Variants in KDM7A observed in about 807,000 individuals in gnomAD.
KDM7A encodes the protein lysine-specific demethylase 7A.
In KDM7A, 28 loss-of-function variants were observed where a neutral mutation model predicts 114.8. That is an observed-to-expected ratio of 0.24 (90% CI 0.18 to 0.33). KDM7A has a LOEUF of 0.33. Ranked by LOEUF, KDM7A falls within the 10% of genes least tolerant of loss-of-function variation. KDM7A has a pLI of 1.00. For missense variants in KDM7A, 942 were observed against 1,142.5 expected, an observed-to-expected ratio of 0.82 and a Z score of 2.53; for synonymous variants, 423 against 397.8, an observed-to-expected ratio of 1.06 and a Z score of -0.75.
At position 140,129,793 on chromosome 7, in the gene KDM7A, G is replaced by C. The variant is rs1037393947; in HGVS notation, c.399-140C>G. On this transcript the variant is annotated intron_variant, in intron 3 of 19. Coordinates refer to ENST00000397560, the MANE Select transcript of KDM7A (RefSeq NM_030647.2). ...ACCTATCACTTCTCATTCTTTTAAT[G>C]ACAAATGTTTTGTAAATCTCCTTTT... 2.5e-5 allele frequency: 15 copies of C among 591,716 alleles called. No individual in the cohort carries two copies. In the African/African-American group the frequency reaches 2.6e-4, roughly 10 times the overall value. The allele number at this position is 591,716 out of a possible 1,614,324, so 36.7% of individuals were successfully genotyped here. A position where few individuals can be genotyped will look rare whatever the true frequency, so the allele number is the denominator to read the frequency against.
chr7:140,090,028 T>C lies in KDM7A; in HGVS notation c.*1066A>G, dbSNP rs141131343. 66 of 152,308 alleles carry C rather than the reference T, an allele frequency of 4.3e-4. No individual in the cohort carries two copies. Among genetic ancestry groups the C allele is most frequent in the African/African-American group, 1.5e-3 (64 of 41,560 alleles). The allele number at this position is 152,308 out of a possible 1,614,324, so 9.4% of individuals were successfully genotyped here. On this transcript the variant is annotated 3_prime_UTR_variant, in exon 20 of 20. Transcript: ENST00000397560. ...TGGAGCATAAAAGTATCATAAGGTATAACCTCTGCAGCAGGTGCCAGTCCT... is the reference window on the plus strand; with the variant it reads ...TGGAGCATAAAAGTATCATAAGGTACAACCTCTGCAGCAGGTGCCAGTCCT...
At chr7:140,108,348 G>A (rs1818376131) in intron 11 of KDM7A, among the ~76,000 whole-genome samples, 1 of 152,166 alleles carries the variant, frequency 6.6e-6, no homozygotes, top group African/African-American at 2.4e-5. Context: ...CTCTGGAGGG[G>A]AAGAGGCACT....
intron 1 of KDM7A, among the ~76,000 whole-genome samples, chr7:140,172,817 G>A (rs999211367): frequency 2.0e-5 from 3 of 152,074 alleles, no homozygotes; most frequent in Admixed American, 6.5e-5. Context: ...AACATGGAAT[G>A]CATAGAAAGA....
chr7:140,111,559 CACTA>C, intron 10 of KDM7A, among the ~76,000 whole-genome samples: 1 of 152,300 alleles, frequency 6.6e-6, no homozygotes, highest in East Asian at 1.9e-4. Flanking sequence ...AGAACACAGA[CACTA>C]ACGTAATCCT....
chr7:140,102,116 C>T lies in KDM7A; in HGVS notation c.1473G>A (p.Val491=). ...CATTTGAGGATCGTGAAACTGGACACACAATAGGAATTCCCTGAGATTTAA... is the reference window on the plus strand; with the variant it reads ...CATTTGAGGATCGTGAAACTGGACATACAATAGGAATTCCCTGAGATTTAA... ...KPVKSQGIPI[V]CPVSRSSNEA... Residue 491 remains valine, a synonymous_variant, in exon 12 of 20, where the codon GTG becomes GTA. Coordinates refer to ENST00000397560, the MANE Select transcript of KDM7A (RefSeq NM_030647.2). The T allele has an allele frequency of 1.9e-6, 3 of 1,614,048 alleles. No homozygotes were observed. Among genetic ancestry groups the T allele is most frequent in the Non-Finnish European group, 2.5e-6 (3 of 1,179,942 alleles).
At chr7:140,096,167 G>A (rs966294263) in intron 17 of KDM7A, among the ~76,000 whole-genome samples, 2 of 152,048 alleles carry the variant, frequency 1.3e-5, no homozygotes, top group Non-Finnish European at 2.9e-5. Flanking sequence ...GCCTCAATCA[G>A]AAAGAAACAG....
rs753135502 is a variant in KDM7A, at chr7:140,098,948, T to C, written c.1849A>G (p.Lys617Glu). The C allele has an allele frequency of 2.5e-6, 4 of 1,613,762 alleles. No homozygotes were observed. In the South Asian group the frequency reaches 4.4e-5, roughly 18 times the overall value. ...CCTGAACTCTCTTCTATCTTCATTT[T>C]TGCCTTTTTTGTCCTTCTTTTATCC... ...EEDKRRTKKA[K>E]MKIEESSGVE... Residue 617 changes from lysine (K) to glutamate (E), a missense_variant, in exon 14 of 20, where the codon AAA becomes GAA. Around this residue, in one of 4 missense-constraint regions of KDM7A, gnomAD observed 512 missense variants for 576.6 expected, o/e 0.89. Transcript: ENST00000397560.
At chr7:140,113,003 C>T (rs1414339606) in intron 10 of KDM7A, among the ~76,000 whole-genome samples, 2 of 152,242 alleles carry the variant, frequency 1.3e-5, no homozygotes, top group African/African-American at 4.8e-5. Context: ...ATAGGCTTTG[C>T]AGTCCCAGAG....
intron 1 of KDM7A, among the ~76,000 whole-genome samples, chr7:140,143,991 A>G (rs1283211717): frequency 6.6e-6 from 1 of 152,234 alleles, no homozygotes; most frequent in African/African-American, 2.4e-5. Flanking sequence ...ACAAAATTGT[A>G]TATATCTTTA....
intron 1 of KDM7A, among the ~76,000 whole-genome samples, chr7:140,149,258 C>T (rs1209115201): frequency 6.6e-6 from 1 of 152,132 alleles, no homozygotes; most frequent in African/African-American, 2.4e-5. Context: ...TAAATCTGTC[C>T]CACAATGAAT....
intron 9 of KDM7A, among the ~76,000 whole-genome samples, chr7:140,115,171 G>A (rs1434503906): frequency 6.6e-6 from 1 of 151,008 alleles, no homozygotes; most frequent in Admixed American, 6.6e-5. Flanking sequence ...CAGGGAGGGA[G>A]GTGGGGGGCA....
chr7:140,152,312 G>A (rs186374897), intron 1 of KDM7A, among the ~76,000 whole-genome samples: 2 of 152,194 alleles, frequency 1.3e-5, no homozygotes, highest in African/African-American at 4.8e-5. Flanking sequence ...ATTTATATAT[G>A]ACCCAGAGAC....
At chr7:140,102,192 A>T (rs1208954781) in intron 11 of KDM7A, 32 bp from the exon 12 acceptor site, 1 of 1,487,670 alleles carries the variant, frequency 6.7e-7, no homozygotes, top group African/African-American at 1.4e-5. Flanking sequence ...TATTTTTATA[A>T]GAAGGCTGTT....
chr7:140,097,283 G>A (rs1318011605), intron 15 of KDM7A, among the ~76,000 whole-genome samples: 1 of 152,148 alleles, frequency 6.6e-6, no homozygotes, highest in Non-Finnish European at 1.5e-5. Context: ...TATAATCCAT[G>A]AGAAATATGA....
chr7:140,142,340 C>A (rs1585158836), intron 1 of KDM7A, among the ~76,000 whole-genome samples: 1 of 150,758 alleles, frequency 6.6e-6, no homozygotes, highest in East Asian at 1.9e-4. Flanking sequence ...AAATGATAAG[C>A]CAGAGTAGCA....
At chr7:140,131,280 C>T (rs62491413) in intron 3 of KDM7A, among the ~76,000 whole-genome samples, 9,348 of 152,224 alleles carry the variant, frequency 0.061, 367 homozygotes, top group Non-Finnish European at 0.09. Flanking sequence ...TGGAGTTTGT[C>T]CCTTTGCCCA....
At chr7:140,119,501 C>A (rs1818584702) in intron 8 of KDM7A, among the ~76,000 whole-genome samples, 1 of 152,128 alleles carries the variant, frequency 6.6e-6, no homozygotes, top group South Asian at 2.1e-4. Flanking sequence ...GACATTTTTA[C>A]GAGGGTTCTA....
Position 140,133,586 on chromosome 7 carries a change from A to G in KDM7A, c.351T>C (p.Ala117=), listed in dbSNP as rs1818824326. The G allele has an allele frequency of 1.9e-6, 3 of 1,612,690 alleles. No homozygotes were observed. Among genetic ancestry groups the G allele is most frequent in the Non-Finnish European group, 2.5e-6 (3 of 1,178,938 alleles). ...ATTCCTTAATGAAAGTTCTAGTTCC[A>G]GCTTGCACTGGTTTGGAACCATCAT... ...EIDDGSKPVQ[A]GTRTFIKELR... The change falls in exon 3 of 20, where the codon GCT becomes GCC. Residue 117 remains alanine, a synonymous_variant. Transcript: ENST00000397560.
intron 18 of KDM7A, 58 bp downstream of exon 18, chr7:140,093,998 A>AAAAC (rs1181697974): frequency 9.1e-7 from 1 of 1,095,986 alleles, no homozygotes; most frequent in Non-Finnish European, 1.4e-6. Context: ...AAAGAAAGCA[A>AAAAC]AAACAACGTT....
Sources: allele counts gnomAD v4.1 joint callset (sites outside exome capture counted in the v4.1 genomes callset), GRCh38; gene constraint gnomAD v4.1.1; regional missense constraint gnomAD v4.1.1; transcripts MANE v1.5; gene names NCBI Gene and HGNC (gene_info 2026-07-23, HGNC 2026-07-21).